The following ATP2B2 variants were observed in gnomAD, a reference collection of about 807,000 sequenced individuals.
The protein encoded by ATP2B2 is ATPase plasma membrane Ca2+ transporting 2.
In ATP2B2, 15 loss-of-function variants were observed where a neutral mutation model predicts 120.0. The ratio of observed to expected loss-of-function variants is 0.12; its 90% CI spans 0.08 to 0.19. The LOEUF is 0.19. Among genes scored for constraint, ATP2B2 ranks in the 10% least tolerant of loss-of-function variants. The pLI is 1.00. For synonymous variants in ATP2B2, 694 were observed against 700.3 expected, an observed-to-expected ratio of 0.99 and a Z score of 0.14; for missense variants, 1,045 against 1,719.8, an observed-to-expected ratio of 0.61 and a Z score of 6.94.
chr3:10,360,095 C>T lies in ATP2B2; in HGVS notation c.1688G>A (p.Arg563Gln). 10 of 1,601,380 alleles carry T rather than the reference C, an allele frequency of 6.2e-6. No individual in the cohort carries two copies. The highest frequency in any genetic ancestry group is 1.3e-5 in the African/African-American group (1 of 74,854). Reference protein sequence around the residue: ...LPPEKEGALPRQVGNKTECGL... With the variant: ...LPPEKEGALPQQVGNKTECGL... ...GCACTCCGTCTTGTTGCCCACCTGC[C>T]GAGGCAGGGCGCCCTCCTTCTCTGG... The change falls in exon 13 of 23, where the codon CGG becomes CAG. Residue 563 changes from arginine (R) to glutamine (Q), a missense_variant. Around this residue, in one of 11 missense-constraint regions of ATP2B2, gnomAD observed 343 missense variants for 536.8 expected, o/e 0.64. Transcript: ENST00000360273.
intron 3 of ATP2B2, among the ~76,000 whole-genome samples, chr3:10,511,751 C>T (rs1269043474): frequency 6.6e-6 from 1 of 152,178 alleles, no homozygotes; most frequent in Non-Finnish European, 1.5e-5. Context: ...ATGGCCCCTC[C>T]AAGCTACCTA....
chr3:10,439,090 C>T (rs74666859), intron 2 of ATP2B2, among the ~76,000 whole-genome samples: 2 of 152,214 alleles, frequency 1.3e-5, no homozygotes, highest in African/African-American at 2.4e-5. Context: ...AAGGGCACTG[C>T]CCTGGCCTGG....
intron 8 of ATP2B2, among the ~76,000 whole-genome samples, chr3:10,383,198 C>T (rs1161573421): frequency 1.3e-5 from 2 of 151,508 alleles, no homozygotes; most frequent in African/African-American, 4.9e-5. Context: ...AGGTGATGTG[C>T]AGGCTTTGGG....
At chr3:10,589,317 T>C (rs2068587720) in intron 2 of ATP2B2, among the ~76,000 whole-genome samples, 1 of 152,182 alleles carries the variant, frequency 6.6e-6, no homozygotes, top group African/African-American at 2.4e-5. Flanking sequence ...AGTAAGTTCA[T>C]TAGTAAACTT....
intron 1 of ATP2B2, among the ~76,000 whole-genome samples, chr3:10,488,752 C>G (rs914867465): frequency 6.6e-6 from 1 of 152,122 alleles, no homozygotes; most frequent in Non-Finnish European, 1.5e-5. Context: ...CCTCCAGTCT[C>G]CACCCTGGTC....
At position 10,636,548 on chromosome 3, in the gene ATP2B2, C is replaced by T. The variant is rs115623985; in HGVS notation, c.-459-16587G>A. Among the ~76,000 whole-genome samples, 760 of 152,156 alleles carry T rather than the reference C, an allele frequency of 5.0e-3. 5 individuals carry two copies. The highest frequency in any genetic ancestry group is 5.2e-3 in the Non-Finnish European group (352 of 68,004). ...ACTTCTGTTTCCAGCCAAGAAGGAGCGACAGAGACCAGATTTGCCCTCTCA... is the reference window on the plus strand; with the variant it reads ...ACTTCTGTTTCCAGCCAAGAAGGAGTGACAGAGACCAGATTTGCCCTCTCA... On this transcript the variant is annotated intron_variant, in intron 1 of 21. Coordinates refer to the ATP2B2 transcript ENST00000646379.
chr3:10,556,071 G>A (rs2067771891), intron 2 of ATP2B2, among the ~76,000 whole-genome samples: 1 of 152,154 alleles, frequency 6.6e-6, no homozygotes, highest in Admixed American at 6.5e-5. Context: ...GCTAACTTTT[G>A]TATTTTTAGT....
chr3:10,470,346 A>C (rs894784570), intron 1 of ATP2B2, among the ~76,000 whole-genome samples: 1 of 152,092 alleles, frequency 6.6e-6, no homozygotes, highest in Non-Finnish European at 1.5e-5. Context: ...AGAGAGATTG[A>C]GCAACCTGCT....
In ATP2B2 at chr3:10,658,883, A is replaced by T. The variant is rs548548837; in HGVS notation, c.-459-38922T>A. The stretch of plus-strand genomic sequence containing the variant: ...CCCACAAAGGGAAGCCCATCAGACT[A>T]ACAGCGGATCTCTCGGCAGAAACTC... On this transcript the variant is annotated intron_variant, in intron 1 of 21. Transcript: ENST00000646379. Among the ~76,000 whole-genome samples the T allele has an allele frequency of 7.0e-4, 107 of 152,096 alleles. 2 individuals carry two copies. In the Middle Eastern group the frequency reaches 0.014, roughly 19 times the overall value.
At chr3:10,385,046 G>A (rs553304121) in intron 8 of ATP2B2, among the ~76,000 whole-genome samples, 7 of 152,352 alleles carry the variant, frequency 4.6e-5, no homozygotes, top group African/African-American at 1.7e-4. Context: ...ACAGGAGCCA[G>A]CACCTTTTTG....
chr3:10,486,322 T>TGCGTGTGTGC (rs1553616047), intron 1 of ATP2B2, among the ~76,000 whole-genome samples: 44 of 18,154 alleles, frequency 2.4e-3, no homozygotes, highest in East Asian at 0.024. Context: ...TGTGTGTGCG[T>TGCGTGTGTGC]GCGTGTGTGT....
rs2059872498 is a variant in ATP2B2, at chr3:10,327,194, T to A, written c.*1620A>T. 1 of 193,370 alleles carries A rather than the reference T, an allele frequency of 5.2e-6. No individual in the cohort carries two copies. Among genetic ancestry groups the A allele is most frequent in the African/African-American group, 2.3e-5 (1 of 43,196 alleles). 12.0% of individuals were successfully genotyped at this position (193,370 alleles called of 1,614,324 possible). On this transcript the variant is annotated 3_prime_UTR_variant, in exon 23 of 23. Transcript: ENST00000360273. ...GACATCCAATTAAATAAGCTCTTATTAAGTGGGATTACTAGTGCTGTTGTC... is the reference window on the plus strand; with the variant it reads ...GACATCCAATTAAATAAGCTCTTATAAAGTGGGATTACTAGTGCTGTTGTC...
At chr3:10,362,714 C>T (rs1295696984) in intron 12 of ATP2B2, among the ~76,000 whole-genome samples, 1 of 152,172 alleles carries the variant, frequency 6.6e-6, no homozygotes, top group Non-Finnish European at 1.5e-5. Flanking sequence ...TGAAAAATGC[C>T]CCACTCCCAA....
chr3:10,604,402 C>A (rs972168334), intron 2 of ATP2B2, among the ~76,000 whole-genome samples: 1 of 152,176 alleles, frequency 6.6e-6, no homozygotes, highest in Non-Finnish European at 1.5e-5. Flanking sequence ...TCTCCCCTAA[C>A]CTTCCGGATG....
At chr3:10,359,792 G>A in intron 13 of ATP2B2, 90 bp downstream of exon 13, 3 of 1,577,704 alleles carry the variant, frequency 1.9e-6, no homozygotes, top group East Asian at 4.5e-5. Context: ...AGCCTGGCCT[G>A]GATGGCGGCC....
rs73113612 is a variant in ATP2B2, at chr3:10,390,772, G to A, written c.782-2370C>T. ...TTTTTTTCCCCCTTGGCAGGGCACAGTGGGGACCACAGAATGAGCTCAGAC... is the reference window on the plus strand; with the variant it reads ...TTTTTTTCCCCCTTGGCAGGGCACAATGGGGACCACAGAATGAGCTCAGAC... On this transcript the variant is annotated intron_variant, in intron 5 of 22. Coordinates refer to ENST00000360273, the MANE Select transcript of ATP2B2 (RefSeq NM_001001331.4). Among the ~76,000 whole-genome samples, 455 of 152,250 alleles carry A rather than the reference G, an allele frequency of 3.0e-3. 4 individuals are homozygous for A. Among genetic ancestry groups the A allele is most frequent in the African/African-American group, 0.01 (432 of 41,548 alleles).
rs543895334 is a variant in ATP2B2, at chr3:10,574,787, C to G, written c.-414-40654G>C. Among the ~76,000 whole-genome samples the G allele has an allele frequency of 2.7e-3, 406 of 152,128 alleles. 1 individual carries two copies. The highest frequency in any genetic ancestry group is 9.2e-3 in the African/African-American group (383 of 41,482). ...AATTTAAAAAGTAAACAGGTCTCAG[C>G]TGTGTGGGGGAAGGAGGAGTGGACT... On this transcript the variant is annotated intron_variant, in intron 2 of 21. Transcript: ENST00000646379.
chr3:10,446,049 A>G (rs2063826376), intron 2 of ATP2B2, among the ~76,000 whole-genome samples: 1 of 152,214 alleles, frequency 6.6e-6, no homozygotes, highest in Non-Finnish European at 1.5e-5. Flanking sequence ...AGGTCTGAGC[A>G]TGGGGCTGAG....
chr3:10,413,190 C>G (rs2062670345), intron 2 of ATP2B2, among the ~76,000 whole-genome samples: 1 of 152,244 alleles, frequency 6.6e-6, no homozygotes, highest in African/African-American at 2.4e-5. Context: ...ACAGACCTGG[C>G]TGCCCGTGGA....
Sources: allele counts gnomAD v4.1 joint callset (sites outside exome capture counted in the v4.1 genomes callset), GRCh38; gene constraint gnomAD v4.1.1; regional missense constraint gnomAD v4.1.1; transcripts MANE v1.5; gene names NCBI Gene and HGNC (gene_info 2026-07-23, HGNC 2026-07-21).